Variants in ITGB6 observed in about 807,000 individuals in gnomAD.
ITGB6 encodes the protein integrin subunit beta 6.
In ITGB6, 80 loss-of-function variants were observed where a neutral mutation model predicts 84.5. That is an observed-to-expected ratio of 0.95 (90% confidence interval 0.79 to 1.14). The LOEUF is 1.14. Among genes scored for constraint, ITGB6 ranks in the 50% most tolerant of loss-of-function variants. The pLI is 0.00. For synonymous variants in ITGB6, 383 were observed against 354.9 expected, an observed-to-expected ratio of 1.08 and a Z score of -0.89; for missense variants, 1,006 against 968.0, an observed-to-expected ratio of 1.04 and a Z score of -0.52.
chr2:160,118,739 A>G (rs1240496590), intron 12 of ITGB6, among the ~76,000 whole-genome samples: 3 of 150,670 alleles, frequency 2.0e-5, no homozygotes, highest in Non-Finnish European at 4.4e-5. Flanking sequence ...CTGTTTGCAG[A>G]TGATGTGATT....
chr2:160,157,455 G>T (rs1684667692), intron 7 of ITGB6, among the ~76,000 whole-genome samples: 1 of 152,092 alleles, frequency 6.6e-6, no homozygotes, highest in African/African-American at 2.4e-5. Context: ...TATAGCCACG[G>T]TTCACTCTTC....
chr2:160,156,214 A>C (rs1424667979), intron 7 of ITGB6, among the ~76,000 whole-genome samples: 1 of 152,200 alleles, frequency 6.6e-6, no homozygotes, highest in African/African-American at 2.4e-5. Flanking sequence ...GTATTTGACC[A>C]CAAGGAGTCA....
chr2:160,186,587 C>A (rs2105887405), intron 4 of ITGB6, among the ~76,000 whole-genome samples: 1 of 152,278 alleles, frequency 6.6e-6, no homozygotes, highest in Middle Eastern at 3.4e-3. Flanking sequence ...ACCAGAAATA[C>A]CACTTGACTC....
At chr2:160,133,103 A>G (rs1490710277) in intron 10 of ITGB6, among the ~76,000 whole-genome samples, 1 of 152,110 alleles carries the variant, frequency 6.6e-6, no homozygotes, top group Non-Finnish European at 1.5e-5. Flanking sequence ...ATACATTTAA[A>G]AGGTCAGTCA....
chr2:160,183,072 A>C (rs1299574747), intron 4 of ITGB6, among the ~76,000 whole-genome samples: 1 of 152,216 alleles, frequency 6.6e-6, no homozygotes, highest in Non-Finnish European at 1.5e-5. Context: ...CACTATGAAG[A>C]AAATGCATCA....
chr2:160,151,989 C>T (rs985883907), intron 7 of ITGB6, among the ~76,000 whole-genome samples: 2 of 151,992 alleles, frequency 1.3e-5, no homozygotes, highest in Admixed American at 6.6e-5. Context: ...CAGGATCAGA[C>T]GAATTCACAG....
intron 13 of ITGB6, among the ~76,000 whole-genome samples, chr2:160,110,997 G>C (rs114210568): frequency 2.0e-5 from 3 of 152,184 alleles, no homozygotes; most frequent in East Asian, 3.9e-4. Context: ...ATAATAACAC[G>C]CCATAATAAA....
At chr2:160,196,135 T>A in intron 3 of ITGB6, 81 bp downstream of exon 3, 2 of 1,131,260 alleles carry the variant, frequency 1.8e-6, no homozygotes, top group Non-Finnish European at 2.7e-6. Flanking sequence ...ATATGTAATA[T>A]GATACAAGAC....
chr2:160,115,111 A>G (rs1682707869), intron 12 of ITGB6, among the ~76,000 whole-genome samples: 1 of 152,240 alleles, frequency 6.6e-6, no homozygotes, highest in Non-Finnish European at 1.5e-5. Context: ...ACCTCTGCAG[A>G]CTTAAATGTC....
intron 12 of ITGB6, among the ~76,000 whole-genome samples, chr2:160,118,657 C>T (rs1204047820): frequency 2.0e-5 from 3 of 151,902 alleles, no homozygotes; most frequent in African/African-American, 7.2e-5. Context: ...GTTGGAAGTT[C>T]TGGCCAGGGC....
In ITGB6 at chr2:160,112,161, C is replaced by T. The variant is rs200660753; in HGVS notation, c.2020G>A (p.Gly674Arg). ...KDGSVSCSLQ[G>R]ENECLITFLI... is the part of the protein sequence containing the mutation. ...AATGTAATAAGACATTCATTTTCTCCTTGCAGAGAGCAGGAAACAGAACCA... is the reference window on the plus strand; with the variant it reads ...AATGTAATAAGACATTCATTTTCTCTTTGCAGAGAGCAGGAAACAGAACCA... The change falls in exon 13 of 15, where the codon GGA becomes AGA. Residue 674 changes from glycine to arginine, a missense_variant. Transcript: ENST00000283249. 416 of 1,612,746 alleles carry T rather than the reference C, an allele frequency of 2.6e-4. No individual in the cohort carries two copies. Among genetic ancestry groups the T allele is most frequent in the Non-Finnish European group, 3.4e-4 (402 of 1,179,008 alleles).
rs386652091 is a variant in ITGB6, at chr2:160,175,207, TGCA to T, written c.594-1071_594-1069del. On this transcript the variant is annotated intron_variant, in intron 4 of 14. Coordinates refer to ENST00000283249, the MANE Select transcript of ITGB6 (RefSeq NM_000888.5). ...AGCTTACTTTGTCAGCACGAGAAGG[TGCA>T]TTTTTCAATGTTAGGCTTCAGTTCA... Among the ~76,000 whole-genome samples, 70 of 152,350 alleles carry T rather than the reference TGCA, an allele frequency of 4.6e-4. 1 individual carries two copies. Among genetic ancestry groups the T allele is most frequent in the African/African-American group, 1.5e-3 (64 of 41,578 alleles).
intron 13 of ITGB6, among the ~76,000 whole-genome samples, chr2:160,111,085 ACAGACAACAGCT>A (rs1682484531): frequency 6.8e-6 from 1 of 147,808 alleles, no homozygotes; most frequent in Non-Finnish European, 1.5e-5. Context: ...GAATAAAAGA[ACAGACAACAGCT>A]CAGTAATGAG....
At position 160,126,589 on chromosome 2, in the gene ITGB6, C is replaced by T; in HGVS notation, c.1673G>A (p.Cys558Tyr). 1.2e-6 allele frequency: 2 copies of T among 1,613,168 alleles called. No individual in the cohort carries two copies. The highest frequency in any genetic ancestry group is 2.2e-5 in the South Asian group (2 of 91,024). The change falls in exon 11 of 15, where the codon TGT becomes TAT. Residue 558 changes from cysteine to tyrosine, a missense_variant. Transcript: ENST00000283249. ...KGLLCGGNGD[C>Y]DCGECVCRSG... ...CCTGCACACACATTCACCACAGTCA[C>T]AGTCGCCGTTACCTGTAACACAAAA... is the stretch of plus-strand genomic sequence containing the variant.
rs1199082902 is a variant in ITGB6, at chr2:160,172,617, C to G, written c.873G>C (p.Gly291=). The G allele has an allele frequency of 6.2e-7, 1 of 1,611,272 alleles. No homozygotes were observed. Among genetic ancestry groups the G allele is most frequent in the Non-Finnish European group, 8.5e-7 (1 of 1,177,798 alleles). The change falls in exon 6 of 15, where the codon GGG becomes GGC. Residue 291 remains glycine, a synonymous_variant. Transcript: ENST00000283249. ...KLAGIVIPND[G]LCHLDSKNEY... Reference sequence around the variant, plus strand: ...CATTCTTGCTGTCCAAGTGACAGAGCCCGTCATTAGGAATGACGATGCCTG... The same window carrying G: ...CATTCTTGCTGTCCAAGTGACAGAGGCCGTCATTAGGAATGACGATGCCTG...
At chr2:160,123,219 G>C (rs1323121530) in intron 12 of ITGB6, among the ~76,000 whole-genome samples, 2 of 152,180 alleles carry the variant, frequency 1.3e-5, no homozygotes, top group Non-Finnish European at 2.9e-5. Context: ...CCGTTAAAGA[G>C]AATAGGTCTT....
chr2:160,143,042 C>T (rs1389970143), intron 7 of ITGB6, among the ~76,000 whole-genome samples: 1 of 152,184 alleles, frequency 6.6e-6, no homozygotes, highest in African/African-American at 2.4e-5. Flanking sequence ...AATCCCAGCA[C>T]TTTGAGAGGT....
chr2:160,123,974 A>G (rs1226086784), intron 11 of ITGB6, 86 bp from the exon 12 acceptor site: 6 of 909,084 alleles, frequency 6.6e-6, no homozygotes, highest in Non-Finnish European at 1.1e-5. Context: ...CTGTTGTTGC[A>G]ATTTGTGCTA....
rs149688387 is a variant in ITGB6 at position 160,103,646 on chromosome 2, A to G, written c.2269-1812T>C. Among the ~76,000 whole-genome samples, 95 of 152,326 alleles carry G rather than the reference A, an allele frequency of 6.2e-4. 1 individual carries two copies. In the Middle Eastern group the frequency reaches 0.054, roughly 87 times the overall value. On this transcript the variant is annotated intron_variant, in intron 14 of 14. Transcript: ENST00000283249. ...TTTGCAAACAAAAATCATGCATGGAATTCTATTAAATTTGAGACTAGAATC... is the reference window on the plus strand; with the variant it reads ...TTTGCAAACAAAAATCATGCATGGAGTTCTATTAAATTTGAGACTAGAATC...
Sources: allele counts gnomAD v4.1 joint callset (sites outside exome capture counted in the v4.1 genomes callset), GRCh38; gene constraint gnomAD v4.1.1; transcripts MANE v1.5; gene names NCBI Gene and HGNC (gene_info 2026-07-23, HGNC 2026-07-21).